Variants in TBCK observed in about 807,000 individuals in gnomAD.
TBCK encodes the protein TBC domain-containing protein kinase-like protein.
Under a neutral mutation model 113.4 loss-of-function variants are expected in TBCK, and 99 were observed. The ratio of observed to expected loss-of-function variants is 0.87; its 90% CI spans 0.74 to 1.03. TBCK has a LOEUF of 1.03. TBCK is among the 50% of genes least tolerant of loss of function. The pLI is 0.00. For missense variants in TBCK, 1,045 were observed against 1,061.3 expected (o/e 0.98, Z 0.21); for synonymous variants, 369 against 370.8 (o/e 1.00, Z 0.05).
intron 8 of TBCK, among the ~76,000 whole-genome samples, chr4:106,248,610 T>G (rs1761092273): frequency 6.6e-6 from 1 of 152,198 alleles, no homozygotes; most frequent in African/African-American, 2.4e-5. Context: ...TGTGATGGTA[T>G]TAAGAGGTGA....
chr4:106,142,285 G>C (rs909235991), intron 23 of TBCK, among the ~76,000 whole-genome samples: 1 of 152,090 alleles, frequency 6.6e-6, no homozygotes, highest in Non-Finnish European at 1.5e-5. Context: ...TTTTGGTTTG[G>C]AGAACAAAGG....
At chr4:106,283,281 A>G (rs970589050) in intron 3 of TBCK, among the ~76,000 whole-genome samples, 2 of 152,184 alleles carry the variant, frequency 1.3e-5, no homozygotes, top group African/African-American at 4.8e-5. Context: ...TACAGTATGT[A>G]TGTCAAAAAC....
intron 16 of TBCK, 32 bp downstream of exon 16, chr4:106,233,556 T>C (rs759182507): frequency 6.4e-7 from 1 of 1,570,194 alleles, no homozygotes; most frequent in South Asian, 1.1e-5. Flanking sequence ...GGCAGAATTA[T>C]CTTAGGTTGC....
rs774755464 is a variant in TBCK at position 106,295,164 on chromosome 4, G to A, written c.196C>T (p.Arg66Ter). The A allele has an allele frequency of 3.7e-6, 6 of 1,609,272 alleles. No individual in the cohort carries two copies. Among genetic ancestry groups the A allele is most frequent in the Admixed American group, 1.7e-5 (1 of 58,554 alleles). ...CAATGTTCAGCCACGACCACTAGTC[G>A]TTCTGAGAAAAACAAAGCAAACCCA... ...YVDISRGKHE[R>*]LVVVAEHCER... The change falls in exon 3 of 26, where the codon CGA (arginine) becomes TGA (stop). Residue 66 changes from arginine to a stop codon, truncating the protein, a stop_gained and splice_region_variant. Coordinates refer to ENST00000394708, the MANE Select transcript of TBCK (RefSeq NM_001163435.3). LOFTEE classifies it high-confidence loss of function.
intron 3 of TBCK, among the ~76,000 whole-genome samples, chr4:106,272,514 CAG>C (rs1763601570): frequency 8.1e-6 from 1 of 122,752 alleles, no homozygotes; most frequent in Non-Finnish European, 1.6e-5. Context: ...TTTTTTGAGA[CAG>C]AGTCTTGCTC....
At chr4:106,273,091 A>G (rs1488927517) in intron 3 of TBCK, among the ~76,000 whole-genome samples, 8 of 152,186 alleles carry the variant, frequency 5.3e-5, no homozygotes, top group African/African-American at 1.9e-4. Flanking sequence ...ACAGATTTTT[A>G]AGTCACAAAC....
chr4:106,187,333 T>C (rs1039434163), intron 22 of TBCK, among the ~76,000 whole-genome samples: 9 of 152,312 alleles, frequency 5.9e-5, no homozygotes, highest in African/African-American at 2.2e-4. Context: ...TTGGGCAATA[T>C]GGCCATTTTA....
At chr4:106,268,334 C>A (rs901922032) in intron 3 of TBCK, among the ~76,000 whole-genome samples, 11 of 152,008 alleles carry the variant, frequency 7.2e-5, no homozygotes, top group South Asian at 2.1e-4. Context: ...TCTATATAAG[C>A]TTGTCTTTCC....
chr4:106,110,043 T>C (rs1742661110), intron 24 of TBCK, among the ~76,000 whole-genome samples: 1 of 152,254 alleles, frequency 6.6e-6, no homozygotes, highest in African/African-American at 2.4e-5. Context: ...CCTTGGAACC[T>C]GGCCTTTAAT....
intron 24 of TBCK, among the ~76,000 whole-genome samples, chr4:106,096,249 A>G (rs1468104125): frequency 6.6e-6 from 1 of 152,208 alleles, no homozygotes; most frequent in Non-Finnish European, 1.5e-5. Flanking sequence ...GTTTTCCTGA[A>G]GAGTAATGAC....
chr4:106,170,510 T>C (rs1040283062), intron 23 of TBCK, among the ~76,000 whole-genome samples: 10 of 152,102 alleles, frequency 6.6e-5, no homozygotes, highest in African/African-American at 1.9e-4. Context: ...TTTGGGGACA[T>C]AAATAAAATC....
intron 23 of TBCK, among the ~76,000 whole-genome samples, chr4:106,121,344 C>T (rs1490932043): frequency 6.8e-6 from 1 of 147,824 alleles, no homozygotes; most frequent in African/African-American, 2.5e-5. Flanking sequence ...TATATATGCA[C>T]CCAATACAGG....
intron 10 of TBCK, among the ~76,000 whole-genome samples, chr4:106,245,843 G>GT (rs1467054493): frequency 6.6e-6 from 1 of 152,012 alleles, no homozygotes; most frequent in East Asian, 1.9e-4. Context: ...AAGAAAATTT[G>GT]TTTTTTCCCT....
intron 3 of TBCK, among the ~76,000 whole-genome samples, chr4:106,289,165 T>G (rs550780269): frequency 6.0e-4 from 91 of 152,346 alleles, no homozygotes; most frequent in African/African-American, 1.9e-3. Context: ...GGGAATATTC[T>G]AGTGCAAATC....
intron 20 of TBCK, among the ~76,000 whole-genome samples, chr4:106,201,141 C>T (rs1429753599): frequency 6.6e-6 from 1 of 151,784 alleles, no homozygotes; most frequent in Non-Finnish European, 1.5e-5. Context: ...TTTAATATAA[C>T]ATATAACAGC....
chr4:106,237,357 T>G (rs1024697261), intron 12 of TBCK: 3 of 316,278 alleles, frequency 9.5e-6, no homozygotes, highest in Non-Finnish European at 1.9e-5. Context: ...CAAAATCATT[T>G]TAATAAATGT....
intron 11 of TBCK, among the ~76,000 whole-genome samples, chr4:106,243,840 C>T (rs1760454446): frequency 6.6e-6 from 1 of 152,020 alleles, no homozygotes; most frequent in Non-Finnish European, 1.5e-5. Context: ...AGGCACACAA[C>T]ACCACGCCCA....
At chr4:106,174,247 T>C (rs1019759884) in intron 22 of TBCK, among the ~76,000 whole-genome samples, 1 of 152,110 alleles carries the variant, frequency 6.6e-6, no homozygotes, top group Non-Finnish European at 1.5e-5. Context: ...TAAGACATTA[T>C]TTACCACTCT....
chr4:106,200,923 G>A (rs961893908), intron 20 of TBCK, among the ~76,000 whole-genome samples: 4 of 152,110 alleles, frequency 2.6e-5, no homozygotes, highest in South Asian at 2.1e-4. Context: ...ATGAAATAAT[G>A]AGAAAATGAG....
Sources: gnomAD v4.1 joint callset for allele counts (sites outside exome capture counted in the v4.1 genomes callset) on GRCh38, gnomAD v4.1.1 for gene constraint, MANE v1.5 for transcripts, NCBI Gene and HGNC (gene_info 2026-07-23, HGNC 2026-07-21) for gene names.